KCNJ6: variants seen among roughly 807,000 people sequenced by gnomAD.
KCNJ6 encodes potassium inwardly rectifying channel subfamily J member 6.
KCNJ6 carries 9 observed loss-of-function variants against 34.2 expected under a neutral mutation model. The observed-to-expected ratio is 0.26, with a 90% confidence interval of 0.16 to 0.46. The LOEUF (loss-of-function observed/expected upper bound fraction) is 0.46, where lower values mean the gene tolerates loss of function less well. KCNJ6 is among the 20% of genes least tolerant of loss of function. The probability of loss-of-function intolerance (pLI) is 1.00; values close to 1 mark genes in which losing one functional copy is unlikely to be tolerated. For synonymous variants in KCNJ6, 196 were observed against 207.1 expected (o/e 0.95, Z 0.46); for missense variants, 236 against 531.3 (o/e 0.44, Z 5.46).
chr21:37,760,424 C>T (rs1346970936), intron 2 of KCNJ6, among the ~76,000 whole-genome samples: 1 of 152,190 alleles, frequency 6.6e-6, no homozygotes, highest in Non-Finnish European at 1.5e-5. Context: ...TGTACTACAA[C>T]CTCCCTCCAA....
At chr21:37,697,141 A>G (rs1443445235) in intron 3 of KCNJ6, among the ~76,000 whole-genome samples, 1 of 152,150 alleles carries the variant, frequency 6.6e-6, no homozygotes, top group Non-Finnish European at 1.5e-5. Context: ...CGAGAAGACC[A>G]TAAGACGATT....
rs975397534 is a variant in KCNJ6, at chr21:37,613,601, T to C, written c.*11558A>G. ...TGTTTGGTGCTAAAAAAGTGAGCTCTCAAGCCATAAAAAGATATGAGGGAA... is the reference window on the plus strand; with the variant it reads ...TGTTTGGTGCTAAAAAAGTGAGCTCCCAAGCCATAAAAAGATATGAGGGAA... On this transcript the variant is annotated 3_prime_UTR_variant, in exon 4 of 4. Coordinates refer to ENST00000609713, the MANE Select transcript of KCNJ6 (RefSeq NM_002240.5). The C allele has an allele frequency of 6.6e-6, 1 of 152,048 alleles. No homozygotes were observed. Among genetic ancestry groups the C allele is most frequent in the Admixed American group, 6.5e-5 (1 of 15,272 alleles). The allele number at this position is 152,048 out of a possible 1,614,324, so 9.4% of individuals were successfully genotyped here. A position where few individuals can be genotyped will look rare whatever the true frequency, so the allele number is the denominator to read the frequency against.
chr21:37,733,091 T>C (rs2054894366), intron 2 of KCNJ6, among the ~76,000 whole-genome samples: 1 of 152,252 alleles, frequency 6.6e-6, no homozygotes, highest in Non-Finnish European at 1.5e-5. Context: ...TTGTTTAACT[T>C]TGTGCTTGCA....
intron 2 of KCNJ6, among the ~76,000 whole-genome samples, chr21:37,724,898 T>C (rs1316674664): frequency 1.3e-5 from 2 of 152,218 alleles, no homozygotes; most frequent in East Asian, 1.9e-4. Flanking sequence ...GATCAAGGAT[T>C]TAAAGGCAAA....
At chr21:37,817,414 G>A (rs1364034653) in intron 2 of KCNJ6, among the ~76,000 whole-genome samples, 1 of 152,164 alleles carries the variant, frequency 6.6e-6, no homozygotes, top group Non-Finnish European at 1.5e-5. Flanking sequence ...CATACTAAGT[G>A]CTATGCAAAT....
At chr21:37,636,989 T>C (rs754959745) in intron 3 of KCNJ6, among the ~76,000 whole-genome samples, 11 of 152,208 alleles carry the variant, frequency 7.2e-5, no homozygotes, top group Non-Finnish European at 1.0e-4. Flanking sequence ...ACAGAACTGA[T>C]TGTAGACACT....
chr21:37,751,357 C>T (rs894399323), intron 2 of KCNJ6, among the ~76,000 whole-genome samples: 4 of 152,240 alleles, frequency 2.6e-5, no homozygotes, highest in African/African-American at 9.6e-5. Context: ...TACCTGCTGA[C>T]CTGCTAAGGA....
intron 3 of KCNJ6, among the ~76,000 whole-genome samples, chr21:37,690,921 G>T (rs1037542344): frequency 1.3e-5 from 2 of 151,800 alleles, no homozygotes; most frequent in Admixed American, 6.6e-5. Context: ...AGCTGGGATT[G>T]CAGGCATCTG....
intron 3 of KCNJ6, among the ~76,000 whole-genome samples, chr21:37,699,152 T>G (rs2054677792): frequency 6.6e-6 from 1 of 152,238 alleles, no homozygotes; most frequent in Non-Finnish European, 1.5e-5. Flanking sequence ...ATTTACAATC[T>G]GGCCTTTTAC....
At chr21:37,761,754 GTA>G (rs1350020270) in intron 2 of KCNJ6, among the ~76,000 whole-genome samples, 1 of 151,530 alleles carries the variant, frequency 6.6e-6, no homozygotes, top group Non-Finnish European at 1.5e-5. Flanking sequence ...TGGTATGTGT[GTA>G]TGTGTTGTGT....
intron 2 of KCNJ6, among the ~76,000 whole-genome samples, chr21:37,723,694 T>C (rs1319915666): frequency 2.0e-5 from 3 of 152,156 alleles, no homozygotes; most frequent in Non-Finnish European, 2.9e-5. Context: ...TTCTCACTTA[T>C]GAGTAGGAGC....
At chr21:37,846,316 C>G (rs1462495442) in intron 1 of KCNJ6, among the ~76,000 whole-genome samples, 1 of 150,792 alleles carries the variant, frequency 6.6e-6, no homozygotes, top group African/African-American at 2.4e-5. Context: ...GCAATTATAA[C>G]AGTCTGACTT....
At chr21:37,766,555 C>T (rs546868626) in intron 2 of KCNJ6, among the ~76,000 whole-genome samples, 29 of 152,228 alleles carry the variant, frequency 1.9e-4, no homozygotes, top group Middle Eastern at 3.4e-3. Context: ...GGAAATCCCC[C>T]GAGGGTTCTA....
rs2054268815 is a variant in KCNJ6, at chr21:37,616,607, A to T, written c.*8552T>A. ...AAAATGTACATATATATATATATAT[A>T]TATATATATGGTTAGACTCTGAACA... On this transcript the variant is annotated 3_prime_UTR_variant, in exon 4 of 4. Transcript: ENST00000609713. 1 of 128,954 alleles carries T rather than the reference A, an allele frequency of 7.8e-6. No homozygotes were observed. Among genetic ancestry groups the T allele is most frequent in the African/African-American group, 3.1e-5 (1 of 32,482 alleles). The allele number at this position is 128,954 out of a possible 1,614,324, so 8.0% of individuals were successfully genotyped here.
chr21:37,790,757 T>A (rs1404205101), intron 2 of KCNJ6, among the ~76,000 whole-genome samples: 1 of 152,216 alleles, frequency 6.6e-6, no homozygotes, highest in African/African-American at 2.4e-5. Flanking sequence ...AATGTCTTCA[T>A]TTCTGCTCCT....
intron 1 of KCNJ6, among the ~76,000 whole-genome samples, chr21:37,869,251 GCCCTCATATGAGTGACCC>G (rs1464560233): frequency 6.6e-6 from 1 of 152,198 alleles, no homozygotes. Flanking sequence ...CCACGGCCGA[GCCCTCATATGAGTGACCC>G]CTCTTCTAAC....
At chr21:37,852,206 G>C (rs2055541106) in intron 1 of KCNJ6, among the ~76,000 whole-genome samples, 1 of 152,222 alleles carries the variant, frequency 6.6e-6, no homozygotes, top group Non-Finnish European at 1.5e-5. Flanking sequence ...ACAGAGTGGA[G>C]ATTCTGAATT....
intron 2 of KCNJ6, among the ~76,000 whole-genome samples, chr21:37,734,758 G>T (rs1003694645): frequency 6.6e-6 from 1 of 152,104 alleles, no homozygotes; most frequent in Non-Finnish European, 1.5e-5. Context: ...TTTGGGAAAG[G>T]TTGCCCACTC....
chr21:37,671,303 T>C (rs994890838), intron 3 of KCNJ6, among the ~76,000 whole-genome samples: 6 of 152,160 alleles, frequency 3.9e-5, no homozygotes, highest in Non-Finnish European at 5.9e-5. Context: ...GAAGCTTCCA[T>C]AGAAAAGCAA....
Sources: gnomAD v4.1 joint callset for allele counts (sites outside exome capture counted in the v4.1 genomes callset) on GRCh38, gnomAD v4.1.1 for gene constraint, MANE v1.5 for transcripts, NCBI Gene and HGNC (gene_info 2026-07-23, HGNC 2026-07-21) for gene names.